SOS2: variants seen among roughly 807,000 people sequenced by gnomAD.
The protein encoded by SOS2 is SOS Ras/Rho guanine nucleotide exchange factor 2.
A neutral mutation model predicts 148.2 loss-of-function variants in SOS2; 65 were observed. The ratio of observed to expected loss-of-function variants is 0.44; its 90% confidence interval spans 0.36 to 0.54. The LOEUF (loss-of-function observed/expected upper bound fraction) is 0.54, where lower values mean the gene tolerates loss of function less well. SOS2 is among the 20% of genes least tolerant of loss of function. The pLI is 0.00. For missense variants in SOS2, 1,341 were observed against 1,590.2 expected (o/e 0.84, Z 2.67); for synonymous variants, 539 against 537.1 (o/e 1.00, Z -0.05).
At chr14:50,136,220 C>A (rs1884074759) in intron 18 of SOS2, among the ~76,000 whole-genome samples, 1 of 152,160 alleles carries the variant, frequency 6.6e-6, no homozygotes, top group African/African-American at 2.4e-5. Context: ...ATTTCCTCAT[C>A]CTTTGCTCTA....
chr14:50,122,278 C>T (rs1429798024), intron 21 of SOS2, among the ~76,000 whole-genome samples: 2 of 150,366 alleles, frequency 1.3e-5, no homozygotes, highest in African/African-American at 4.9e-5. Flanking sequence ...TTTGACTGAA[C>T]AAAGAAGCAC....
intron 14 of SOS2, among the ~76,000 whole-genome samples, chr14:50,146,465 G>A (rs945369424): frequency 1.3e-5 from 2 of 152,002 alleles, no homozygotes; most frequent in African/African-American, 2.4e-5. Context: ...CCAACAAGGC[G>A]AAACCCCATC....
intron 8 of SOS2, among the ~76,000 whole-genome samples, chr14:50,162,560 TTAC>T (rs1249703349): frequency 6.6e-6 from 1 of 152,226 alleles, no homozygotes; most frequent in African/African-American, 2.4e-5. Flanking sequence ...TCTCTAATGA[TTAC>T]TTTGTTTTAG....
chr14:50,172,898 G>C lies in SOS2; in HGVS notation c.1068+1556C>G, dbSNP rs117520302. Among the ~76,000 whole-genome samples, 1,215 of 152,260 alleles carry C rather than the reference G, an allele frequency of 8.0e-3. 9 individuals carry two copies. Among genetic ancestry groups the C allele is most frequent in the Non-Finnish European group, 0.012 (849 of 68,010 alleles). Reference sequence around the variant, plus strand: ...TTCATTTCTCTCTATTACTGCTACTGATTTTCACTGACTCTAGCTAACATC... The same window carrying C: ...TTCATTTCTCTCTATTACTGCTACTCATTTTCACTGACTCTAGCTAACATC... On this transcript the variant is annotated intron_variant, in intron 8 of 22. Coordinates refer to ENST00000216373, the MANE Select transcript of SOS2 (RefSeq NM_006939.4).
intron 8 of SOS2, among the ~76,000 whole-genome samples, chr14:50,170,613 C>T (rs1885329658): frequency 6.6e-6 from 1 of 151,930 alleles, no homozygotes; most frequent in Non-Finnish European, 1.5e-5. Flanking sequence ...GTCAAGGCTG[C>T]AGTAAGCCAT....
At chr14:50,169,566 G>C (rs1360646240) in intron 8 of SOS2, among the ~76,000 whole-genome samples, 1 of 151,820 alleles carries the variant, frequency 6.6e-6, no homozygotes, top group Non-Finnish European at 1.5e-5. Flanking sequence ...CTTGAACCTG[G>C]GAGGCAGAGG....
chr14:50,184,119 G>A (rs768973879), intron 5 of SOS2, among the ~76,000 whole-genome samples: 4 of 152,192 alleles, frequency 2.6e-5, no homozygotes, highest in African/African-American at 9.7e-5. Flanking sequence ...CAGGATTACT[G>A]TCATATATAT....
intron 6 of SOS2, 62 bp from the exon 7 acceptor site, chr14:50,180,744 T>C: frequency 2.2e-6 from 2 of 899,232 alleles, no homozygotes; most frequent in Non-Finnish European, 3.4e-6. Context: ...ACCAATATGG[T>C]ACAGATTATT....
chr14:50,137,390 A>G (rs1361263369), intron 18 of SOS2, among the ~76,000 whole-genome samples: 2 of 152,212 alleles, frequency 1.3e-5, no homozygotes, highest in African/African-American at 4.8e-5. Flanking sequence ...TAAAATGGCT[A>G]TCAAATCTAG....
At chr14:50,205,345 C>A (rs985254398) in intron 1 of SOS2, among the ~76,000 whole-genome samples, 6 of 152,110 alleles carry the variant, frequency 3.9e-5, no homozygotes, top group Non-Finnish European at 7.3e-5. Flanking sequence ...GCCACTGCAC[C>A]CAGCCTGCTT....
chr14:50,180,834 C>A (rs28452354), intron 6 of SOS2, 152 bp from the exon 7 acceptor site: 53 of 461,676 alleles, frequency 1.1e-4, no homozygotes, highest in African/African-American at 1.0e-3. Flanking sequence ...CAGAGTGAAA[C>A]CCTGTCTCAA....
intron 8 of SOS2, among the ~76,000 whole-genome samples, chr14:50,162,829 TCAGA>T (rs1306957360): frequency 2.0e-5 from 3 of 152,060 alleles, no homozygotes; most frequent in Non-Finnish European, 4.4e-5. Context: ...TATTTCACTC[TCAGA>T]AAGAAAGCAA....
chr14:50,148,392 A>G (rs1037780417), intron 14 of SOS2, among the ~76,000 whole-genome samples: 1 of 141,780 alleles, frequency 7.1e-6, no homozygotes, highest in African/African-American at 2.7e-5. Flanking sequence ...CCTGGGTGAC[A>G]GAGCAAGACA....
intron 20 of SOS2, 69 bp from the exon 21 acceptor site, chr14:50,130,071 A>G: frequency 1.0e-6 from 1 of 986,070 alleles, no homozygotes; most frequent in Non-Finnish European, 1.6e-6. Flanking sequence ...AAATGTTTCC[A>G]TAAATAATAC....
intron 21 of SOS2, among the ~76,000 whole-genome samples, chr14:50,121,553 CAG>C (rs1226791659): frequency 8.5e-6 from 1 of 116,978 alleles, no homozygotes; most frequent in Admixed American, 1.0e-4. Flanking sequence ...CCTGTTGACT[CAG>C]GGGGAAATAG....
intron 13 of SOS2, among the ~76,000 whole-genome samples, 185 bp from the exon 14 acceptor site, chr14:50,150,415 C>T (rs1399670079): frequency 6.6e-6 from 1 of 152,116 alleles, no homozygotes; most frequent in Non-Finnish European, 1.5e-5. Flanking sequence ...TCCGAGACAT[C>T]GTATTTCATT....
chr14:50,230,880 A>G (rs1460234301), intron 1 of SOS2: 1 of 1,041,928 alleles, frequency 9.6e-7, no homozygotes, highest in Non-Finnish European at 1.2e-6. Flanking sequence ...TCTAAATACC[A>G]GCGGGACTTT....
At chr14:50,214,921 C>T (rs1020443669) in intron 1 of SOS2, among the ~76,000 whole-genome samples, 1 of 150,982 alleles carries the variant, frequency 6.6e-6, no homozygotes. Flanking sequence ...CTGCAAGCTT[C>T]GCCACCCGGG....
intron 20 of SOS2, 91 bp from the exon 21 acceptor site, chr14:50,130,093 T>C: frequency 1.3e-6 from 1 of 750,300 alleles, no homozygotes; most frequent in Non-Finnish European, 2.2e-6. Flanking sequence ...TAATACACAG[T>C]GCAGAATTTT....
Sources: gnomAD v4.1 joint callset for allele counts (sites outside exome capture counted in the v4.1 genomes callset) on GRCh38, gnomAD v4.1.1 for gene constraint, MANE v1.5 for transcripts, NCBI Gene and HGNC (gene_info 2026-07-23, HGNC 2026-07-21) for gene names.